KITLG: variants seen among roughly 807,000 people sequenced by gnomAD.
KITLG encodes the protein KIT ligand.
Under a neutral mutation model 34.1 loss-of-function variants are expected in KITLG, and 13 were observed. The ratio of observed to expected loss-of-function variants is 0.38; its 90% CI spans 0.25 to 0.61. The LOEUF (loss-of-function observed/expected upper bound fraction) is 0.61. KITLG is among the 20% of genes least tolerant of loss of function. KITLG has a pLI of 0.60. For synonymous variants in KITLG, 110 were observed against 104.0 expected (o/e 1.06, Z -0.35); for missense variants, 292 against 318.9 (o/e 0.92, Z 0.64).
chr12:88,556,218 C>CAA lies in KITLG; in HGVS notation c.16-10355_16-10354dup, dbSNP rs5799868. The stretch of plus-strand genomic sequence containing the variant: ...TGGAAAATAAGTTTCAAAGAATAAG[C>CAA]AAAAAAAAAAAAAAAGGCAAGGCTA... On this transcript the variant is annotated intron_variant, in intron 1 of 9. Transcript: ENST00000644744. Among the ~76,000 whole-genome samples the CAA allele has an allele frequency of 9.3e-3, 1,160 of 124,896 alleles. 12 individuals are homozygous for CAA. The highest frequency in any genetic ancestry group is 0.065 in the Middle Eastern group (17 of 262). 81.9% of individuals were successfully genotyped at this position (124,896 alleles called of 152,430 possible).
intron 1 of KITLG, among the ~76,000 whole-genome samples, chr12:88,566,446 TG>T (rs1394873163): frequency 6.6e-6 from 1 of 152,222 alleles, no homozygotes; most frequent in African/African-American, 2.4e-5. Context: ...GTGATATGAT[TG>T]TTTTTTTAAA....
chr12:88,573,670 T>C (rs1871731281), intron 1 of KITLG, among the ~76,000 whole-genome samples: 1 of 152,176 alleles, frequency 6.6e-6, no homozygotes, highest in African/African-American at 2.4e-5. Flanking sequence ...GGCAACACAG[T>C]ATGGGCATAC....
Position 88,539,023 on chromosome 12 carries a change from CCAA to C in KITLG, c.130-6523_130-6521del, listed in dbSNP as rs372151375. On this transcript the variant is annotated intron_variant, in intron 2 of 9. Coordinates refer to ENST00000644744, the MANE Select transcript of KITLG (RefSeq NM_000899.5). Reference sequence around the variant, plus strand: ...GCATTTGGAAATGCTGGAGACTTGGCCAACAAGAAGTCTTTGCAAGCCAAACTG... The same window carrying C: ...GCATTTGGAAATGCTGGAGACTTGGCCAAGAAGTCTTTGCAAGCCAAACTG... Among the ~76,000 whole-genome samples, 727 of 152,248 alleles carry C rather than the reference CCAA, an allele frequency of 4.8e-3. 7 individuals carry two copies. The highest frequency in any genetic ancestry group is 0.017 in the African/African-American group (706 of 41,538).
At chr12:88,549,872 C>T (rs937762737) in intron 1 of KITLG, among the ~76,000 whole-genome samples, 1 of 151,944 alleles carries the variant, frequency 6.6e-6, no homozygotes, top group African/African-American at 2.4e-5. Flanking sequence ...TGAGAACCCA[C>T]AAAAGAGTCC....
At chr12:88,522,828 A>T (rs1422711762) in intron 3 of KITLG, among the ~76,000 whole-genome samples, 3 of 152,166 alleles carry the variant, frequency 2.0e-5, no homozygotes, top group African/African-American at 7.2e-5. Context: ...AGCACTTTAC[A>T]TTACTTTCAA....
chr12:88,541,096 A>T (rs1396985595), intron 2 of KITLG, among the ~76,000 whole-genome samples: 18 of 152,288 alleles, frequency 1.2e-4, no homozygotes, highest in South Asian at 8.3e-4. Context: ...ATATTTGAAG[A>T]AGAAAAATAA....
At chr12:88,497,999 T>A (rs11104906) in intron 9 of KITLG, among the ~76,000 whole-genome samples, 11,924 of 152,302 alleles carry the variant, frequency 0.078, 514 homozygotes, top group Non-Finnish European at 0.1. Context: ...TGTTGAAGCA[T>A]GAAAGCCATA....
chr12:88,535,399 T>C (rs1870273504), intron 2 of KITLG, among the ~76,000 whole-genome samples: 1 of 152,186 alleles, frequency 6.6e-6, no homozygotes, highest in Admixed American at 6.6e-5. Context: ...ATACAGTCTC[T>C]ACCACAACCC....
At chr12:88,577,858 T>C (rs1477468257) in intron 1 of KITLG, among the ~76,000 whole-genome samples, 1 of 152,240 alleles carries the variant, frequency 6.6e-6, no homozygotes, top group Non-Finnish European at 1.5e-5. Context: ...GAGAGCTGTG[T>C]AATTCAAATC....
rs181235047 is a variant in KITLG at position 88,573,755 on chromosome 12, G to A, written c.15+6509C>T. On this transcript the variant is annotated intron_variant, in intron 1 of 9. Coordinates refer to ENST00000644744, the MANE Select transcript of KITLG (RefSeq NM_000899.5). ...TGCACAGGGATGCAATTATGCAGTG[G>A]GGATGCCCTTTCTGCAAAGGTGAAC... is the stretch of plus-strand genomic sequence containing the variant. Among the ~76,000 whole-genome samples the A allele has an allele frequency of 5.9e-5, 9 of 152,274 alleles. No individual in the cohort carries two copies. In the East Asian group the frequency reaches 1.7e-3, roughly 29 times the overall value.
Position 88,504,128 on chromosome 12 carries a change from C to T in KITLG, c.*37+1031G>A, listed in dbSNP as rs180991038. On this transcript the variant is annotated intron_variant, in intron 9 of 9. Transcript: ENST00000644744. ...TACAACTGTTAATTTTTGTGCATATCCCACACTAGATGAATCCACTAGTCA... is the reference window on the plus strand; with the variant it reads ...TACAACTGTTAATTTTTGTGCATATTCCACACTAGATGAATCCACTAGTCA... Among the ~76,000 whole-genome samples, 40 of 152,126 alleles carry T rather than the reference C, an allele frequency of 2.6e-4. No individual in the cohort carries two copies. In the East Asian group the frequency reaches 7.4e-3, roughly 28 times the overall value.
chr12:88,574,738 A>G (rs1160105192), intron 1 of KITLG, among the ~76,000 whole-genome samples: 1 of 152,222 alleles, frequency 6.6e-6, no homozygotes, highest in Non-Finnish European at 1.5e-5. Flanking sequence ...GGACAGAAAA[A>G]AAACAGGCAA....
intron 9 of KITLG, among the ~76,000 whole-genome samples, chr12:88,500,609 C>T (rs183818251): frequency 5.3e-5 from 8 of 152,168 alleles, no homozygotes; most frequent in African/African-American, 1.4e-4. Flanking sequence ...TAATGTAATC[C>T]ATCTGTTTTA....
intron 9 of KITLG, among the ~76,000 whole-genome samples, chr12:88,503,867 T>C (rs1868953687): frequency 6.6e-6 from 1 of 152,204 alleles, no homozygotes; most frequent in African/African-American, 2.4e-5. Context: ...CTTACTCTCC[T>C]GACTCTAAGA....
chr12:88,525,542 A>T (rs11104920), intron 3 of KITLG, among the ~76,000 whole-genome samples: 2 of 152,272 alleles, frequency 1.3e-5, no homozygotes, highest in South Asian at 4.1e-4. Flanking sequence ...AAGAGAACAC[A>T]ACAACAAAAT....
At chr12:88,565,529 G>A (rs991670399) in intron 1 of KITLG, among the ~76,000 whole-genome samples, 1 of 152,172 alleles carries the variant, frequency 6.6e-6, no homozygotes, top group Admixed American at 6.5e-5. Flanking sequence ...GGAGGCTGAG[G>A]CAGGAGAATC....
chr12:88,503,334 C>A (rs1307939682), intron 9 of KITLG, among the ~76,000 whole-genome samples: 1 of 152,158 alleles, frequency 6.6e-6, no homozygotes, highest in African/African-American at 2.4e-5. Flanking sequence ...AGAGACAAAT[C>A]TCTGAACCTG....
chr12:88,580,371 G>A lies in KITLG; in HGVS notation c.-93C>T, dbSNP rs572354635. 2.8e-6 allele frequency: 4 copies of A among 1,450,762 alleles called. No homozygotes were observed. In the East Asian group the frequency reaches 7.1e-5, roughly 26 times the overall value. 89.9% of individuals were successfully genotyped at this position (1,450,762 alleles called of 1,614,324 possible). A position where few individuals can be genotyped will look rare whatever the true frequency, so the allele number is the denominator to read the frequency against. On this transcript the variant is annotated 5_prime_UTR_variant, in exon 1 of 10. Coordinates refer to ENST00000644744, the MANE Select transcript of KITLG (RefSeq NM_000899.5). ...TCCAGCATATTGCACGAACAGCGGCGGCAGATAGTCCACGCATTGGGTAGC... is the reference window on the plus strand; with the variant it reads ...TCCAGCATATTGCACGAACAGCGGCAGCAGATAGTCCACGCATTGGGTAGC...
intron 8 of KITLG, 97 bp downstream of exon 8, chr12:88,506,214 G>A (rs1869052475): frequency 1.2e-6 from 1 of 836,500 alleles, no homozygotes; most frequent in African/African-American, 1.7e-5. Context: ...CTACTGTCAT[G>A]AGTGAAGGAC....
Sources: gnomAD v4.1 joint callset for allele counts (sites outside exome capture counted in the v4.1 genomes callset) on GRCh38, gnomAD v4.1.1 for gene constraint, MANE v1.5 for transcripts, NCBI Gene and HGNC (gene_info 2026-07-23, HGNC 2026-07-21) for gene names.